RAI1: variants seen among roughly 807,000 people sequenced by gnomAD.
RAI1 encodes retinoic acid induced 1.
RAI1 carries 9 observed loss-of-function variants against 123.8 expected under a neutral mutation model. The observed-to-expected ratio is 0.07, with a 90% confidence interval of 0.04 to 0.13. RAI1 has a LOEUF of 0.13. Ranked by LOEUF, RAI1 falls within the 10% of genes least tolerant of loss-of-function variation. The pLI is 1.00. For missense variants in RAI1, 2,256 were observed against 2,545.8 expected, an observed-to-expected ratio of 0.89 and a Z score of 2.45; for synonymous variants, 1,231 against 1,127.3, an observed-to-expected ratio of 1.09 and a Z score of -1.84.
intron 2 of RAI1, chr17:17,782,196 G>A (rs896106836): frequency 1.3e-5 from 2 of 152,182 alleles, no homozygotes; most frequent in Non-Finnish European, 2.9e-5. Context: ...GGCGCTCAGA[G>A]TCCGGAGCCG....
chr17:17,782,761 A>T (rs1166189026), intron 2 of RAI1, among the ~76,000 whole-genome samples: 1 of 151,576 alleles, frequency 6.6e-6, no homozygotes, highest in East Asian at 2.0e-4. Flanking sequence ...AGCCGGGCGC[A>T]CCTCTCCGTC....
chr17:17,773,411 G>C (rs1010692095), intron 2 of RAI1, among the ~76,000 whole-genome samples: 1 of 152,098 alleles, frequency 6.6e-6, no homozygotes, highest in African/African-American at 2.4e-5. Flanking sequence ...GGGGGACACC[G>C]ATGCCCTCCT....
chr17:17,756,051 A>C (rs957321839), intron 2 of RAI1, among the ~76,000 whole-genome samples: 2 of 151,974 alleles, frequency 1.3e-5, no homozygotes, highest in East Asian at 1.9e-4. Flanking sequence ...GCCAGCCTCC[A>C]TGTGGGGTCT....
At chr17:17,783,458 C>T (rs2031689571) in intron 2 of RAI1, among the ~76,000 whole-genome samples, 1 of 151,494 alleles carries the variant, frequency 6.6e-6, no homozygotes, top group African/African-American at 2.4e-5. Context: ...TTTACCTGCC[C>T]CTGAGGGAGT....
At position 17,797,122 on chromosome 17, in the gene RAI1, C is replaced by T; in HGVS notation, c.4174C>T (p.Pro1392Ser). Residue 1392 changes from proline to serine, a missense_variant, in exon 3 of 6, where the codon CCA (proline) becomes TCA (serine). Pro to Ser is a moderately conservative substitution (Grantham distance 74). Coordinates refer to ENST00000353383, the MANE Select transcript of RAI1 (RefSeq NM_030665.4). ...LVNVGTGQKL[P>S]TSGADPLCRN... ...AAATGTGGGCACCGGGCAGAAGCTC[C>T]CAACTTCTGGGGCTGATCCGTTATG... is the stretch of plus-strand genomic sequence containing the variant. The T allele has an allele frequency of 4.3e-6, 7 of 1,614,020 alleles. No homozygotes were observed. Among genetic ancestry groups the T allele is most frequent in the Non-Finnish European group, 5.9e-6 (7 of 1,180,040 alleles).
chr17:17,696,841 C>T (rs1015649907), intron 1 of RAI1, among the ~76,000 whole-genome samples: 1 of 152,234 alleles, frequency 6.6e-6, no homozygotes, highest in Non-Finnish European at 1.5e-5. Flanking sequence ...AGACCTTGGC[C>T]TCATCCTCAT....
intron 2 of RAI1, chr17:17,779,278 C>G (rs1191132553): frequency 3.4e-6 from 1 of 297,040 alleles, no homozygotes; most frequent in East Asian, 9.0e-5. Context: ...GACTGCGTGT[C>G]TGGGGGACTG....
At chr17:17,737,447 G>A (rs566483265) in intron 2 of RAI1, among the ~76,000 whole-genome samples, 6 of 152,312 alleles carry the variant, frequency 3.9e-5, no homozygotes, top group Middle Eastern at 3.4e-3. Flanking sequence ...GGCCTGTGCT[G>A]GAATACTACC....
intron 2 of RAI1, among the ~76,000 whole-genome samples, chr17:17,727,830 G>A (rs907212020): frequency 9.2e-5 from 14 of 152,124 alleles, no homozygotes; most frequent in African/African-American, 1.9e-4. Flanking sequence ...TCTCTGGCCC[G>A]AGATTCACCC....
chr17:17,766,927 G>T (rs1218650349), intron 2 of RAI1, among the ~76,000 whole-genome samples: 1 of 151,932 alleles, frequency 6.6e-6, no homozygotes, highest in Non-Finnish European at 1.5e-5. Context: ...CCCATGGGTT[G>T]CGAGCAGGAG....
At position 17,797,742 on chromosome 17, in the gene RAI1, C is replaced by T. The variant is rs769601380; in HGVS notation, c.4794C>T (p.Phe1598=). Residue 1598 remains phenylalanine (F), a synonymous_variant, in exon 3 of 6, where the codon TTC becomes TTT. Transcript: ENST00000353383. ...GCCGGACCCCCGCCTTCTCACCCTTCGTGCGGGTGGAGAAGCGAGACGCGT... is the reference window on the plus strand; with the variant it reads ...GCCGGACCCCCGCCTTCTCACCCTTTGTGCGGGTGGAGAAGCGAGACGCGT... ...SDSRTPAFSP[F]VRVEKRDAFT... 9.8e-5 allele frequency: 158 copies of T among 1,614,012 alleles called. 2 individuals are homozygous for T. The highest frequency in any genetic ancestry group is 7.8e-4 in the South Asian group (71 of 91,088).
chr17:17,794,732 C>G lies in RAI1; in HGVS notation c.1784C>G (p.Pro595Arg). The stretch of plus-strand genomic sequence containing the variant: ...TTCGTGGCGGGTGAGCGGGACTGTC[C>G]GCGGCTGCTGCTCAGCGCCCTGGCA... ...SKFVAGERDC[P>R]RLLLSALAQE... Residue 595 changes from proline to arginine, a missense_variant, in exon 3 of 6, where the codon CCG (proline) becomes CGG (arginine). By Grantham distance (103) the Pro-to-Arg change is moderately radical. Coordinates refer to ENST00000353383, the MANE Select transcript of RAI1 (RefSeq NM_030665.4). The G allele has an allele frequency of 6.2e-7, 1 of 1,611,718 alleles. No individual in the cohort carries two copies. Among genetic ancestry groups the G allele is most frequent in the Non-Finnish European group, 8.5e-7 (1 of 1,180,026 alleles).
At chr17:17,751,257 G>C (rs188716165) in intron 2 of RAI1, among the ~76,000 whole-genome samples, 7 of 152,300 alleles carry the variant, frequency 4.6e-5, no homozygotes, top group Admixed American at 3.3e-4. Context: ...ATTTGGTCGG[G>C]CTTTGAAGGC....
At chr17:17,786,083 G>A (rs1030816061) in intron 2 of RAI1, among the ~76,000 whole-genome samples, 3 of 152,160 alleles carry the variant, frequency 2.0e-5, no homozygotes, top group Non-Finnish European at 2.9e-5. Flanking sequence ...CCAAGTGGCC[G>A]CAGTCCGCTG....
At chr17:17,710,888 A>G (rs1348619731) in intron 1 of RAI1, among the ~76,000 whole-genome samples, 2 of 152,204 alleles carry the variant, frequency 1.3e-5, no homozygotes, top group Non-Finnish European at 2.9e-5. Flanking sequence ...TAAGCTAGCC[A>G]GCCTCGTACT....
chr17:17,753,570 A>G (rs1028151414), intron 2 of RAI1, among the ~76,000 whole-genome samples: 1 of 152,240 alleles, frequency 6.6e-6, no homozygotes, highest in African/African-American at 2.4e-5. Context: ...AATGTATTAA[A>G]TCAGAGCTTC....
intron 1 of RAI1, among the ~76,000 whole-genome samples, chr17:17,721,026 C>T (rs1193240776): frequency 1.3e-5 from 2 of 151,676 alleles, no homozygotes; most frequent in African/African-American, 2.4e-5. Context: ...TCCCCAGAAT[C>T]TGGAATCTGT....
At chr17:17,778,794 G>C in intron 2 of RAI1, 1 of 456,746 alleles carries the variant, frequency 2.2e-6, no homozygotes, top group South Asian at 1.5e-5. Flanking sequence ...GCAGTTCTGG[G>C]GCCAGGCCAA....
intron 2 of RAI1, among the ~76,000 whole-genome samples, chr17:17,753,860 C>G (rs946025483): frequency 5.3e-5 from 8 of 152,230 alleles, no homozygotes; most frequent in African/African-American, 1.9e-4. Context: ...CAAGTCTAGA[C>G]TGGAGGAACT....
Sources: allele counts gnomAD v4.1 joint callset (sites outside exome capture counted in the v4.1 genomes callset), GRCh38; gene constraint gnomAD v4.1.1; transcripts MANE v1.5; gene names NCBI Gene and HGNC (gene_info 2026-07-23, HGNC 2026-07-21).